The following RIPOR3 variants were observed in gnomAD, a reference collection of about 807,000 sequenced individuals.
RIPOR3 encodes family with sequence similarity 65 member C.
Under a neutral mutation model 114.3 loss-of-function variants are expected in RIPOR3, and 95 were observed. That is an observed-to-expected ratio of 0.83 (90% CI 0.70 to 0.99). The LOEUF is 0.99. Among genes scored for constraint, RIPOR3 ranks in the 50% least tolerant of loss-of-function variants. RIPOR3 has a pLI of 0.00. For synonymous variants in RIPOR3, 575 were observed against 543.8 expected (o/e 1.06, Z -0.80); for missense variants, 1,252 against 1,266.9 (o/e 0.99, Z 0.18).
At chr20:50,660,617 T>A (rs2085959392) in intron 1 of RIPOR3, among the ~76,000 whole-genome samples, 1 of 152,050 alleles carries the variant, frequency 6.6e-6, no homozygotes, top group South Asian at 2.1e-4. Flanking sequence ...ACAGTGGAGA[T>A]CAAATTGCAA....
chr20:50,667,720 A>C (rs1327300828), intron 1 of RIPOR3, among the ~76,000 whole-genome samples: 1 of 152,134 alleles, frequency 6.6e-6, no homozygotes, highest in Non-Finnish European at 1.5e-5. Context: ...CTGGCCCTTG[A>C]AGCTTTTCCT....
chr20:50,666,823 G>GTGGAGGT (rs1289011897), intron 1 of RIPOR3, among the ~76,000 whole-genome samples: 2 of 152,020 alleles, frequency 1.3e-5, no homozygotes, highest in African/African-American at 4.8e-5. Context: ...GTCTCCCAAA[G>GTGGAGGT]TGCTGGGATT....
At chr20:50,649,909 G>A (rs2123390854) in intron 1 of RIPOR3, among the ~76,000 whole-genome samples, 1 of 152,332 alleles carries the variant, frequency 6.6e-6, no homozygotes, top group East Asian at 1.9e-4. Context: ...GCCCCAGCCG[G>A]GCTAACTAGG....
rs2083964061 is a variant in RIPOR3, at chr20:50,611,164, A to G, written c.372+17T>C. On this transcript the variant is annotated intron_variant, in intron 5 of 21. Transcript: ENST00000327979. ...CAGCCAGGCCCAGCCCACCTCACTC[A>G]CCGTATGCAGACTCACCTTGTCCAG... The G allele has an allele frequency of 6.2e-7, 1 of 1,613,896 alleles. No homozygotes were observed. Among genetic ancestry groups the G allele is most frequent in the African/African-American group, 1.3e-5 (1 of 74,868 alleles).
chr20:50,636,430 C>T (rs957983853), intron 1 of RIPOR3, among the ~76,000 whole-genome samples: 3 of 152,144 alleles, frequency 2.0e-5, no homozygotes, highest in Non-Finnish European at 4.4e-5. Flanking sequence ...CTAGGAGGTC[C>T]CTGGGGAGGC....
Position 50,602,391 on chromosome 20 carries a change from C to T in RIPOR3, c.1340G>A (p.Arg447Gln), listed in dbSNP as rs778477133. The T allele has an allele frequency of 1.3e-5, 21 of 1,611,936 alleles. No individual in the cohort carries two copies. The highest frequency in any genetic ancestry group is 1.7e-4 in the Middle Eastern group (1 of 6,058). The change falls in exon 13 of 22, where the codon CGG becomes CAG. Residue 447 changes from arginine (R) to glutamine (Q), a missense_variant. Transcript: ENST00000327979. The surrounding 1 kb of genome is among the most constrained non-coding windows in gnomAD (Gnocchi z 4.3). ...GAGACCTGGGGGCAGGGGGTCCTCCCGAGCCTCCTCTTCAATGGAGGCGTG... is the reference window on the plus strand; with the variant it reads ...GAGACCTGGGGGCAGGGGGTCCTCCTGAGCCTCCTCTTCAATGGAGGCGTG... ...GPHASIEEEA[R>Q]EDPLPPGLLP...
intron 15 of RIPOR3, 94 bp from the exon 16 acceptor site, chr20:50,595,598 C>T (rs570641796): frequency 3.9e-6 from 6 of 1,527,838 alleles, no homozygotes; most frequent in Non-Finnish European, 5.3e-6. Flanking sequence ...GTGCCCATCT[C>T]TTCTGTCCCG....
rs138987977 is a variant in RIPOR3, at chr20:50,690,585, T to C, written c.3+541A>G. On this transcript the variant is annotated intron_variant, in intron 1 of 21. Transcript: ENST00000327979. ...GCTGCTTGGGATAATTGCAGAACCA[T>C]GGAGCACAGAATACAGAATACTGGG... Among the ~76,000 whole-genome samples, 396 of 152,184 alleles carry C rather than the reference T, an allele frequency of 2.6e-3. 6 individuals carry two copies. The highest frequency in any genetic ancestry group is 0.019 in the Admixed American group (283 of 15,288).
At chr20:50,663,789 A>T (rs537704280) in intron 1 of RIPOR3, among the ~76,000 whole-genome samples, 6 of 152,138 alleles carry the variant, frequency 3.9e-5, no homozygotes, top group South Asian at 2.1e-4. Flanking sequence ...ATCCAAGACA[A>T]CCCTGATCCC....
intron 1 of RIPOR3, among the ~76,000 whole-genome samples, chr20:50,688,085 G>A (rs1191931193): frequency 1.3e-5 from 2 of 152,110 alleles, no homozygotes; most frequent in East Asian, 3.8e-4. Flanking sequence ...AATTGATGAA[G>A]GAGTGTAATT....
At position 50,594,578 on chromosome 20, in the gene RIPOR3, C is replaced by G; in HGVS notation, c.2187G>C (p.Gly729=). The part of the protein sequence containing the change: ...LKKTFQHRVR[G]KYPGQLEIAC... ...CTATTTCCAGCTGTCCTGGGTACTT[C>G]CCTCTGACTCTGTGCTGGAAGGTTT... The change falls in exon 17 of 22, where the codon GGG becomes GGC. Residue 729 remains glycine (G), a synonymous_variant. Transcript: ENST00000327979. 6.2e-7 allele frequency: 1 copy of G among 1,614,090 alleles called. No homozygotes were observed. The highest frequency in any genetic ancestry group is 2.2e-5 in the East Asian group (1 of 44,870).
intron 3 of RIPOR3, among the ~76,000 whole-genome samples, chr20:50,616,644 T>G (rs2084182289): frequency 6.6e-6 from 1 of 152,032 alleles, no homozygotes; most frequent in Non-Finnish European, 1.5e-5. Context: ...GCATCCAACC[T>G]AGTATATGCA....
intron 1 of RIPOR3, among the ~76,000 whole-genome samples, chr20:50,662,766 C>A (rs2086040424): frequency 6.6e-6 from 1 of 152,192 alleles, no homozygotes; most frequent in South Asian, 2.1e-4. Flanking sequence ...CAAGCCTCAG[C>A]TTTCTCACCT....
At chr20:50,596,395 G>C in intron 14 of RIPOR3, 132 bp from the exon 15 acceptor site, 1 of 1,297,198 alleles carries the variant, frequency 7.7e-7, no homozygotes, top group Non-Finnish European at 1.1e-6. Flanking sequence ...TTCAACTGAA[G>C]AGGAAGGGGA....
At chr20:50,599,557 C>G (rs1048353788) in intron 13 of RIPOR3, among the ~76,000 whole-genome samples, 1 of 152,210 alleles carries the variant, frequency 6.6e-6, no homozygotes, top group African/African-American at 2.4e-5. Flanking sequence ...CACTGAAGCT[C>G]TGGGCTTGGG....
At chr20:50,681,738 TA>T (rs2123610326) in intron 1 of RIPOR3, among the ~76,000 whole-genome samples, 1 of 152,202 alleles carries the variant, frequency 6.6e-6, no homozygotes, top group South Asian at 2.1e-4. Flanking sequence ...CCAGACCAAA[TA>T]AAAGGAGGTG....
chr20:50,594,909 C>T, intron 16 of RIPOR3, 195 bp from the exon 17 acceptor site: 1 of 578,856 alleles, frequency 1.7e-6, no homozygotes, highest in South Asian at 2.3e-5. Flanking sequence ...GGGCCACCAC[C>T]TGCAGTCCCC....
intron 2 of RIPOR3, among the ~76,000 whole-genome samples, chr20:50,630,168 G>A (rs6020651): frequency 0.014 from 2,092 of 152,166 alleles, 65 homozygotes; most frequent in African/African-American, 0.048. Flanking sequence ...GGGCTTCACC[G>A]TGTTGGCCAG....
chr20:50,624,751 C>T (rs1165496274), intron 2 of RIPOR3, among the ~76,000 whole-genome samples: 1 of 152,232 alleles, frequency 6.6e-6, no homozygotes, highest in African/African-American at 2.4e-5. Flanking sequence ...CGGGCACGTG[C>T]AACCTGCCGG....
Sources: allele counts gnomAD v4.1 joint callset (sites outside exome capture counted in the v4.1 genomes callset), GRCh38; gene constraint gnomAD v4.1.1; non-coding constraint Gnocchi (gnomAD v3.1); transcripts MANE v1.5; gene names NCBI Gene and HGNC (gene_info 2026-07-23, HGNC 2026-07-21).